The following DDX17 variants were observed in gnomAD, a reference collection of about 807,000 sequenced individuals.
The protein encoded by DDX17 is probable ATP-dependent RNA helicase DDX17.
Under a neutral mutation model 80.8 loss-of-function variants are expected in DDX17, and 10 were observed. The ratio of observed to expected loss-of-function variants is 0.12; its 90% CI spans 0.08 to 0.21. The LOEUF is 0.21. DDX17 is among the 10% of genes least tolerant of loss of function. The pLI is 1.00. For synonymous variants in DDX17, 339 were observed against 336.2 expected, an observed-to-expected ratio of 1.01 and a Z score of -0.09; for missense variants, 586 against 957.4, an observed-to-expected ratio of 0.61 and a Z score of 5.12.
At chr22:38,499,056 C>T (rs987899659) in intron 3 of DDX17, among the ~76,000 whole-genome samples, 1 of 152,098 alleles carries the variant, frequency 6.6e-6, no homozygotes, top group Non-Finnish European at 1.5e-5. Flanking sequence ...CTACCTCTCC[C>T]AGAAATTTGA....
intron 2 of DDX17, among the ~76,000 whole-genome samples, chr22:38,500,845 A>AAAAAAAAAAAAAAC (rs1335675652): frequency 7.2e-6 from 1 of 139,396 alleles, no homozygotes; most frequent in Non-Finnish European, 1.6e-5. Flanking sequence ...AAAAAAAAAA[A>AAAAAAAAAAAAAAC]ATCAGCTGGG....
intron 8 of DDX17, 33 bp from the exon 9 acceptor site, chr22:38,494,164 CAG>C (rs768587448): frequency 3.5e-6 from 5 of 1,436,076 alleles, no homozygotes; most frequent in Non-Finnish European, 4.9e-6. Flanking sequence ...AGTCATCACA[CAG>C]AAAGTTATTA....
intron 5 of DDX17, 102 bp downstream of exon 5, chr22:38,497,983 G>A (rs928626578): frequency 1.6e-5 from 17 of 1,051,342 alleles, no homozygotes; most frequent in Admixed American, 4.3e-5. Context: ...ACCTATGGAG[G>A]GTGTGGTTAA....
chr22:38,495,088 A>C, intron 6 of DDX17, 42 bp from the exon 7 acceptor site: 1 of 1,583,056 alleles, frequency 6.3e-7, no homozygotes, highest in Non-Finnish European at 8.6e-7. Flanking sequence ...GACTAGGTGC[A>C]GTGGCTCACA....
At chr22:38,486,463 T>C (rs764893695) in intron 12 of DDX17, 23 bp from the exon 13 acceptor site, 41 of 1,567,194 alleles carry the variant, frequency 2.6e-5, no homozygotes, top group East Asian at 2.0e-4. Flanking sequence ...TACAAGAAGA[T>C]TTTTAATGGC....
Position 38,504,354 on chromosome 22 carries a change from C to T in DDX17, c.287+1597G>A, listed in dbSNP as rs867127722. 5.9e-5 allele frequency among the ~76,000 whole-genome samples: 9 copies of T among 152,292 alleles called. No homozygotes were observed. The South Asian group carries it at 1.9e-3, about 32-fold the overall frequency. ...AGACATTTGCGTTGTTTCCAATATC[C>T]TGTTAGCACGAATGCTGGTATATAA... On this transcript the variant is annotated intron_variant, in intron 1 of 12. Coordinates refer to ENST00000403230, the MANE Select transcript of DDX17 (RefSeq NM_006386.5).
chr22:38,490,328 T>C, intron 11 of DDX17: 13 of 1,288,650 alleles, frequency 1.0e-5, no homozygotes, highest in Non-Finnish European at 1.3e-5. Context: ...CGCCAATCAC[T>C]AATAAGGAGG....
chr22:38,503,034 C>T (rs1602686800), intron 1 of DDX17, among the ~76,000 whole-genome samples: 1 of 152,062 alleles, frequency 6.6e-6, no homozygotes, highest in East Asian at 1.9e-4. Flanking sequence ...TCACTGGATA[C>T]CTACACTCAA....
At chr22:38,495,661 T>C (rs1169450482) in intron 6 of DDX17, 135 bp downstream of exon 6, 1 of 660,658 alleles carries the variant, frequency 1.5e-6, no homozygotes. Flanking sequence ...ATAGCTGTTT[T>C]AGTCACATCT....
rs2089759587 is a variant in DDX17 at position 38,495,874 on chromosome 22, CAT to C, written c.800_801del (p.Tyr267TrpfsTer5). 1 of 1,611,488 alleles carries C rather than the reference CAT, an allele frequency of 6.2e-7. No individual in the cohort carries two copies. On this transcript the variant is annotated frameshift_variant, in exon 6 of 13. Coordinates refer to ENST00000403230, the MANE Select transcript of DDX17 (RefSeq NM_006386.5). LOFTEE classifies it high-confidence loss of function. ...GTACTCTTCAATCTAGAACATTTGC[CAT>C]AGTCATCGGCCACCTGCTGTACTTG...
At chr22:38,498,286 C>G in intron 4 of DDX17, 136 bp from the exon 5 acceptor site, 1 of 1,375,612 alleles carries the variant, frequency 7.3e-7, no homozygotes, top group Non-Finnish European at 9.9e-7. Flanking sequence ...GGAAGCAATA[C>G]AAATTTGAAC....
intron 11 of DDX17, chr22:38,491,556 T>C (rs958921957): frequency 2.0e-5 from 3 of 152,440 alleles, no homozygotes; most frequent in Admixed American, 6.5e-5. Context: ...ATACACATAT[T>C]TGCTATTCTG....
intron 2 of DDX17, among the ~76,000 whole-genome samples, chr22:38,500,894 G>A (rs990975814): frequency 7.1e-6 from 1 of 141,450 alleles, no homozygotes. Context: ...ACTTTGAAAA[G>A]CTGAGGCAGG....
chr22:38,501,903 A>T (rs1213762973), intron 1 of DDX17, among the ~76,000 whole-genome samples: 1 of 152,240 alleles, frequency 6.6e-6, no homozygotes, highest in African/African-American at 2.4e-5. Context: ...ATGCAGGCAA[A>T]GGATGACATT....
intron 2 of DDX17, 120 bp downstream of exon 2, chr22:38,501,010 G>C: frequency 8.1e-7 from 1 of 1,228,274 alleles, no homozygotes; most frequent in South Asian, 1.8e-5. Context: ...AATTTTTTAA[G>C]AAAAATATCA....
At chr22:38,488,206 TGCAGATGACA>T (rs1480583483) in intron 11 of DDX17, 91 bp from the exon 12 acceptor site, 1 of 1,604,556 alleles carries the variant, frequency 6.2e-7, no homozygotes, top group Non-Finnish European at 8.5e-7. Flanking sequence ...GAAGCACGAA[TGCAGATGACA>T]GCAAGAGGAA....
At chr22:38,504,862 C>G (rs1169169960) in intron 1 of DDX17, among the ~76,000 whole-genome samples, 1 of 152,098 alleles carries the variant, frequency 6.6e-6, no homozygotes, top group African/African-American at 2.4e-5. Flanking sequence ...AGGATCTTGA[C>G]CAAGGTCACA....
chr22:38,486,437 C>A lies in DDX17; in HGVS notation c.1688G>T (p.Gly563Val). ...AGAAGTGGTCCGGTAACGAGAACGA[C>A]CACCTAATGGGAAGATACAAGAAGA... Residue 563 changes from glycine to valine, a missense_variant, in exon 13 of 13, where the codon GGT (glycine) becomes GTT (valine). By Grantham distance (109) the Gly-to-Val change is moderately radical. Coordinates refer to ENST00000403230, the MANE Select transcript of DDX17 (RefSeq NM_006386.5). 6.2e-7 allele frequency: 1 copy of A among 1,603,922 alleles called. No homozygotes were observed. The highest frequency in any genetic ancestry group is 8.5e-7 in the Non-Finnish European group (1 of 1,174,434).
Position 38,498,425 on chromosome 22 carries a change from C to T in DDX17, c.672+15G>A. 2 of 1,613,836 alleles carry T rather than the reference C, an allele frequency of 1.2e-6. No individual in the cohort carries two copies. Among genetic ancestry groups the T allele is most frequent in the South Asian group, 2.2e-5 (2 of 91,054 alleles). ...GTTACCACAATATCAAGGATCTTCT[C>T]TTGCTCATACATACCGCCAACGTCT... On this transcript the variant is annotated intron_variant, in intron 4 of 12. Coordinates refer to ENST00000403230, the MANE Select transcript of DDX17 (RefSeq NM_006386.5).
Sources: allele counts gnomAD v4.1 joint callset (sites outside exome capture counted in the v4.1 genomes callset), GRCh38; gene constraint gnomAD v4.1.1; transcripts MANE v1.5; gene names NCBI Gene and HGNC (gene_info 2026-07-23, HGNC 2026-07-21).